LIPA: variants seen among roughly 807,000 people sequenced by gnomAD.
LIPA encodes the protein lipase A, lysosomal acid type, also known as lysosomal acid lipase/cholesteryl ester hydrolase.
In LIPA, 26 loss-of-function variants were observed where a neutral mutation model predicts 40.6. The ratio of observed to expected loss-of-function variants is 0.64; its 90% CI spans 0.47 to 0.89. LIPA has a LOEUF of 0.89. Among genes scored for constraint, LIPA ranks in the 40% least tolerant of loss-of-function variants. LIPA has a pLI of 0.00. For missense variants in LIPA, 455 were observed against 479.6 expected (o/e 0.95, Z 0.48); for synonymous variants, 188 against 168.4 (o/e 1.12, Z -0.90).
At chr10:89,229,607 G>T (rs1324306094) in intron 3 of LIPA, among the ~76,000 whole-genome samples, 1 of 152,122 alleles carries the variant, frequency 6.6e-6, no homozygotes, top group African/African-American at 2.4e-5. Context: ...AAAAAAGGTA[G>T]CTGGGTGTGG....
At chr10:89,304,983 A>G (rs1274119467) in intron 1 of LIPA, among the ~76,000 whole-genome samples, 1 of 152,058 alleles carries the variant, frequency 6.6e-6, no homozygotes, top group Non-Finnish European at 1.5e-5. Flanking sequence ...CAGAAGAGAA[A>G]AATAAAATTT....
intron 1 of LIPA, chr10:89,335,527 A>G (rs1843722274): frequency 6.6e-6 from 1 of 150,948 alleles, no homozygotes; most frequent in African/African-American, 2.5e-5. Flanking sequence ...TTGATATGTC[A>G]AAGCCTTCTG....
intron 1 of LIPA, chr10:89,308,978 G>T (rs1843500616): frequency 6.6e-6 from 1 of 152,176 alleles, no homozygotes. Flanking sequence ...TTCAGACTCA[G>T]CTACTGATAA....
At chr10:89,271,377 G>A (rs566160281) in intron 1 of LIPA, among the ~76,000 whole-genome samples, 9 of 152,188 alleles carry the variant, frequency 5.9e-5, no homozygotes, top group Non-Finnish European at 1.0e-4. Flanking sequence ...CCAGAGTGAT[G>A]GATTTACATT....
In LIPA at chr10:89,250,149, G is replaced by C. The variant is rs562008646; in HGVS notation, c.-2+1588C>G. Among the ~76,000 whole-genome samples the C allele has an allele frequency of 6.2e-5, 8 of 128,104 alleles. No individual in the cohort carries two copies. In the South Asian group the frequency reaches 2.1e-3, roughly 34 times the overall value. 84.0% of individuals were successfully genotyped at this position (128,104 alleles called of 152,430 possible). ...CAGTCTTGCTCTGTCCCCCAGGCTG[G>C]AGTACAGTGGCGAGATCTTGGCTCA... On this transcript the variant is annotated intron_variant, in intron 1 of 9. Coordinates refer to ENST00000336233, the MANE Select transcript of LIPA (RefSeq NM_000235.4).
intron 1 of LIPA, among the ~76,000 whole-genome samples, chr10:89,302,737 A>T (rs1190654816): frequency 6.6e-6 from 1 of 152,108 alleles, no homozygotes; most frequent in East Asian, 1.9e-4. Context: ...TTCTGTTCTC[A>T]CCTCTAACAT....
intron 1 of LIPA, among the ~76,000 whole-genome samples, chr10:89,269,154 G>A (rs146861333): frequency 0.011 from 1,598 of 150,394 alleles, 21 homozygotes; most frequent in African/African-American, 0.02. Context: ...GTGAAACCCC[G>A]TCTCTACTAA....
intron 1 of LIPA, among the ~76,000 whole-genome samples, chr10:89,302,892 G>C (rs1186318232): frequency 6.6e-6 from 1 of 151,762 alleles, no homozygotes; most frequent in Non-Finnish European, 1.5e-5. Context: ...GGAATCCCGT[G>C]TTACCAACCC....
chr10:89,345,307 T>C (rs577066156), upstream of LIPA, among the ~76,000 whole-genome samples: 3 of 149,656 alleles, frequency 2.0e-5, no homozygotes, highest in Admixed American at 6.6e-5. Context: ...GGTGAGCAGA[T>C]TGCCTGAGGT....
intron 1 of LIPA, among the ~76,000 whole-genome samples, chr10:89,294,920 G>A (rs1337759507): frequency 6.6e-6 from 1 of 151,924 alleles, no homozygotes; most frequent in African/African-American, 2.4e-5. Flanking sequence ...CAAGGCGACA[G>A]TGAGCTCTGA....
intron 1 of LIPA, chr10:89,332,651 T>C (rs371707076): frequency 6.3e-5 from 101 of 1,612,142 alleles, no homozygotes; most frequent in Middle Eastern, 1.6e-4. Flanking sequence ...GCTTCTCTGA[T>C]AGGAAACAGA....
At chr10:89,243,445 G>A (rs1842986844) in intron 3 of LIPA, among the ~76,000 whole-genome samples, 1 of 152,080 alleles carries the variant, frequency 6.6e-6, no homozygotes, top group South Asian at 2.1e-4. Flanking sequence ...AGAACATGAG[G>A]ACCAAATGCT....
intron 1 of LIPA, among the ~76,000 whole-genome samples, chr10:89,311,666 G>A (rs1455774405): frequency 6.6e-6 from 1 of 151,950 alleles, no homozygotes; most frequent in African/African-American, 2.4e-5. Context: ...GAAAACTAGA[G>A]TTCACTAGAA....
intron 2 of LIPA, chr10:89,384,757 C>G (rs550443754): frequency 4.6e-6 from 7 of 1,519,064 alleles, no homozygotes; most frequent in Admixed American, 2.0e-5. Context: ...TCACCATTAT[C>G]CATTTAATGG....
chr10:89,386,420 A>G (rs1423151817), intron 2 of LIPA, among the ~76,000 whole-genome samples: 2 of 152,190 alleles, frequency 1.3e-5, no homozygotes, highest in Non-Finnish European at 2.9e-5. Flanking sequence ...GTAAACAAAG[A>G]ACGTACTTAT....
chr10:89,375,035 G>A (rs994499018), intron 2 of LIPA, among the ~76,000 whole-genome samples: 8 of 152,172 alleles, frequency 5.3e-5, no homozygotes, highest in African/African-American at 1.9e-4. Flanking sequence ...AGTCTGGAAG[G>A]GCTCCAGCTA....
intron 2 of LIPA, among the ~76,000 whole-genome samples, chr10:89,359,313 A>C (rs1205830022): frequency 6.6e-6 from 1 of 152,242 alleles, no homozygotes; most frequent in Non-Finnish European, 1.5e-5. Context: ...TAAAATAAAT[A>C]AATTGATGAA....
intron 2 of LIPA, among the ~76,000 whole-genome samples, chr10:89,380,361 C>A (rs1844153943): frequency 1.3e-5 from 2 of 151,752 alleles, no homozygotes; most frequent in Admixed American, 1.3e-4. Context: ...AAATGCCTCA[C>A]AAAACATGGT....
chr10:89,299,399 G>A (rs918890549), intron 1 of LIPA, among the ~76,000 whole-genome samples: 2 of 152,132 alleles, frequency 1.3e-5, no homozygotes, highest in African/African-American at 4.8e-5. Context: ...TATCTCCAAA[G>A]GCGAAGGGAA....
Sources: allele counts gnomAD v4.1 joint callset (sites outside exome capture counted in the v4.1 genomes callset), GRCh38; gene constraint gnomAD v4.1.1; transcripts MANE v1.5; gene names NCBI Gene and HGNC (gene_info 2026-07-23, HGNC 2026-07-21).